The following DOCK10 variants were observed in gnomAD, a reference collection of about 807,000 sequenced individuals.
The protein encoded by DOCK10 is dedicator of cytokinesis 10.
Under a neutral mutation model 280.1 loss-of-function variants are expected in DOCK10, and 145 were observed. That is an observed-to-expected ratio of 0.52 (90% CI 0.45 to 0.59). DOCK10 has a LOEUF of 0.59. DOCK10 is among the 20% of genes least tolerant of loss of function. DOCK10 has a pLI of 0.00. For synonymous variants in DOCK10, 915 were observed against 942.2 expected, an observed-to-expected ratio of 0.97 and a Z score of 0.53; for missense variants, 2,368 against 2,651.7, an observed-to-expected ratio of 0.89 and a Z score of 2.35.
chr2:224,787,807 T>C (rs1483840090), intron 48 of DOCK10, among the ~76,000 whole-genome samples: 1 of 152,156 alleles, frequency 6.6e-6, no homozygotes, highest in Non-Finnish European at 1.5e-5. Flanking sequence ...GTATGTAAAC[T>C]GCTGTCCAAA....
intron 1 of DOCK10, among the ~76,000 whole-genome samples, chr2:225,017,429 TGAGA>T (rs71062970): frequency 6.3e-4 from 93 of 147,144 alleles, no homozygotes; most frequent in Middle Eastern, 3.5e-3. Context: ...AGACAGAGAT[TGAGA>T]GAGAGAGAGA....
intron 1 of DOCK10, among the ~76,000 whole-genome samples, chr2:225,022,123 T>G (rs1369552172): frequency 6.6e-6 from 1 of 152,202 alleles, no homozygotes; most frequent in Non-Finnish European, 1.5e-5. Context: ...ATTCTAATAT[T>G]CATGCATACA....
At chr2:224,918,151 A>G (rs763392983) in intron 2 of DOCK10, among the ~76,000 whole-genome samples, 2 of 151,870 alleles carry the variant, frequency 1.3e-5, no homozygotes, top group African/African-American at 2.4e-5. Context: ...CTGGACTCTT[A>G]TTTTCTCCAA....
At chr2:225,014,387 TATAAAA>T (rs1165716524) in intron 1 of DOCK10, among the ~76,000 whole-genome samples, 2 of 152,142 alleles carry the variant, frequency 1.3e-5, no homozygotes, top group East Asian at 3.9e-4. Flanking sequence ...GAAATTTCCT[TATAAAA>T]ATAGAGAATT....
At chr2:224,835,218 A>G (rs1348768645) in intron 25 of DOCK10, among the ~76,000 whole-genome samples, 4 of 152,196 alleles carry the variant, frequency 2.6e-5, no homozygotes, top group African/African-American at 9.6e-5. Flanking sequence ...GAGTAATACA[A>G]TTTTTCCCTC....
intron 1 of DOCK10, among the ~76,000 whole-genome samples, chr2:224,958,519 G>T (rs1187992940): frequency 6.6e-6 from 1 of 152,132 alleles, no homozygotes; most frequent in African/African-American, 2.4e-5. Context: ...TGTGCTCATT[G>T]TGTCTTGCAA....
At chr2:224,767,019 C>T (rs551256614) in intron 55 of DOCK10, among the ~76,000 whole-genome samples, 1 of 152,188 alleles carries the variant, frequency 6.6e-6, no homozygotes, top group South Asian at 2.1e-4. Context: ...TTTCTAGACA[C>T]TTTTGGAGTG....
At chr2:225,037,324 T>C (rs901048600) in intron 1 of DOCK10, among the ~76,000 whole-genome samples, 1 of 152,198 alleles carries the variant, frequency 6.6e-6, no homozygotes, top group Non-Finnish European at 1.5e-5. Context: ...CCTCTGCTAT[T>C]GCAACTATCC....
At chr2:225,034,195 C>T (rs1459614570) in intron 1 of DOCK10, among the ~76,000 whole-genome samples, 1 of 152,150 alleles carries the variant, frequency 6.6e-6, no homozygotes, top group Non-Finnish European at 1.5e-5. Context: ...GTCCTTCCTG[C>T]CTGGTGGAGC....
intron 1 of DOCK10, among the ~76,000 whole-genome samples, chr2:225,007,642 A>C (rs73993978): frequency 0.035 from 5,317 of 152,296 alleles, 190 homozygotes; most frequent in African/African-American, 0.095. Context: ...CATAGTATTT[A>C]GAATAAAAAA....
intron 1 of DOCK10, among the ~76,000 whole-genome samples, chr2:224,962,362 A>T (rs1278812338): frequency 6.6e-6 from 1 of 152,224 alleles, no homozygotes; most frequent in Non-Finnish European, 1.5e-5. Context: ...TTGTATAGTA[A>T]GCACTAAATA....
Position 224,823,606 on chromosome 2 carries a change from T to A in DOCK10, c.3078A>T (p.Glu1026Asp). The A allele has an allele frequency of 6.2e-7, 1 of 1,604,684 alleles. No homozygotes were observed. The highest frequency in any genetic ancestry group is 8.5e-7 in the Non-Finnish European group (1 of 1,177,090). Residue 1026 changes from glutamate to aspartate, a missense_variant, in exon 28 of 56, where the codon GAA (glutamate) becomes GAT (aspartate). Glu to Asp is a conservative substitution (Grantham distance 45, BLOSUM62 2). This residue lies in a region of DOCK10 where 1,209 missense variants were observed against 1,250.9 expected (regional missense o/e 0.97). Transcript: ENST00000258390. ...ATAGGACCATGACAAGATTGTCCAATTCATTTTGGTAAGATTCAGGAAATC... is the reference window on the plus strand; with the variant it reads ...ATAGGACCATGACAAGATTGTCCAAATCATTTTGGTAAGATTCAGGAAATC... ...PQRFPESYQN[E>D]LDNLVMVLSD...
chr2:224,967,564 C>T (rs768129373), intron 1 of DOCK10, among the ~76,000 whole-genome samples: 31 of 152,136 alleles, frequency 2.0e-4, no homozygotes, highest in Middle Eastern at 3.4e-3. Flanking sequence ...GACTGAAGTA[C>T]GTTATAATAG....
At position 224,845,542 on chromosome 2, in the gene DOCK10, T is replaced by G; in HGVS notation, c.2336A>C (p.Lys779Thr). Reference protein sequence around the residue: ...CDINAKANAKKKEALETSVGY... With the variant: ...CDINAKANAKTKEALETSVGY... ...ACCTGACGTTTCCAGAGCCTCCTTCTTTTTGGCATTAGCTTTTGCATTGAT... is the reference window on the plus strand; with the variant it reads ...ACCTGACGTTTCCAGAGCCTCCTTCGTTTTGGCATTAGCTTTTGCATTGAT... The change falls in exon 20 of 56, where the codon AAG becomes ACG. Residue 779 changes from lysine to threonine, a missense_variant. Coordinates refer to ENST00000258390, the MANE Select transcript of DOCK10 (RefSeq NM_014689.3). The G allele has an allele frequency of 6.2e-7, 1 of 1,612,478 alleles. No homozygotes were observed. Among genetic ancestry groups the G allele is most frequent in the Non-Finnish European group, 8.5e-7 (1 of 1,179,478 alleles).
At chr2:224,802,183 T>C (rs1366804614) in intron 39 of DOCK10, 143 bp from the exon 40 acceptor site, 1 of 868,872 alleles carries the variant, frequency 1.2e-6, no homozygotes, top group African/African-American at 1.7e-5. Flanking sequence ...ATATTAATTA[T>C]AGGTGACATG....
chr2:224,981,827 G>A (rs554258542), intron 1 of DOCK10, among the ~76,000 whole-genome samples: 8 of 152,322 alleles, frequency 5.3e-5, no homozygotes, highest in Non-Finnish European at 2.9e-5. Flanking sequence ...ATGGTTACAT[G>A]TGATTTTTAA....
chr2:224,938,300 T>A (rs16866375), intron 1 of DOCK10, among the ~76,000 whole-genome samples: 2 of 152,174 alleles, frequency 1.3e-5, no homozygotes, highest in Non-Finnish European at 2.9e-5. Flanking sequence ...TCAATATTCA[T>A]AACAGAATTA....
chr2:224,921,752 C>A lies in DOCK10; in HGVS notation c.244-4968G>T, dbSNP rs115436881. 5.4e-3 allele frequency among the ~76,000 whole-genome samples: 819 copies of A among 152,246 alleles called. 5 individuals are homozygous for A. Among genetic ancestry groups the A allele is most frequent in the African/African-American group, 0.018 (765 of 41,548 alleles). Reference sequence around the variant, plus strand: ...ATACATGTATGATGTATGCCCATAACGTGCTATTGATCTTAGTTGTATTTT... The same window carrying A: ...ATACATGTATGATGTATGCCCATAAAGTGCTATTGATCTTAGTTGTATTTT... On this transcript the variant is annotated intron_variant, in intron 2 of 55. Transcript: ENST00000258390.
intron 25 of DOCK10, among the ~76,000 whole-genome samples, chr2:224,835,618 C>T (rs997546872): frequency 2.0e-5 from 3 of 152,140 alleles, no homozygotes; most frequent in Admixed American, 1.3e-4. Context: ...ACTGAATGTT[C>T]CTTTGGTCAT....
Sources: gnomAD v4.1 joint callset for allele counts (sites outside exome capture counted in the v4.1 genomes callset) on GRCh38, gnomAD v4.1.1 for gene constraint, gnomAD v4.1.1 regional missense constraint, MANE v1.5 for transcripts, NCBI Gene and HGNC (gene_info 2026-07-23, HGNC 2026-07-21) for gene names.